Variants in SAV1 observed in about 807,000 individuals in gnomAD.
The protein encoded by SAV1 is salvador family WW domain containing protein 1.
In SAV1, 23 loss-of-function variants were observed where a neutral mutation model predicts 47.3. The observed-to-expected ratio is 0.49, with a 90% CI of 0.35 to 0.69. The LOEUF is 0.69. Ranked by LOEUF, SAV1 falls within the 30% of genes least tolerant of loss-of-function variation. SAV1 has a pLI of 0.01. For missense variants in SAV1, 448 were observed against 457.4 expected, an observed-to-expected ratio of 0.98 and a Z score of 0.19; for synonymous variants, 155 against 159.2, an observed-to-expected ratio of 0.97 and a Z score of 0.20.
chr14:50,665,704 C>A, intron 1 of SAV1, 85 bp from the exon 2 acceptor site: 1 of 1,172,876 alleles, frequency 8.5e-7, no homozygotes, highest in Non-Finnish European at 1.2e-6. Context: ...TCTACCACCC[C>A]AAAATCAAAA....
At chr14:50,663,824 C>A (rs1181301284) in intron 2 of SAV1, among the ~76,000 whole-genome samples, 1 of 152,188 alleles carries the variant, frequency 6.6e-6, no homozygotes, top group Admixed American at 6.5e-5. Flanking sequence ...TGTGCAAGAG[C>A]TTCCACTTGA....
In SAV1 at chr14:50,644,950, G is replaced by A. The variant is rs2039709279; in HGVS notation, c.600C>T (p.Pro200=). The A allele has an allele frequency of 6.2e-7, 1 of 1,613,712 alleles. No individual in the cohort carries two copies. Among genetic ancestry groups the A allele is most frequent in the South Asian group, 1.1e-5 (1 of 91,058 alleles). ...AGTCCACAGACCAGCCAGGAGGAAGGGGTAAATCTTCAGAACCATGGTTAG... is the reference window on the plus strand; with the variant it reads ...AGTCCACAGACCAGCCAGGAGGAAGAGGTAAATCTTCAGAACCATGGTTAG... ...NLTNHGSEDL[P]LPPGWSVDWT... is the part of the protein sequence containing the mutation. The change falls in exon 3 of 5, where the codon CCC becomes CCT. Residue 200 remains proline (P), a synonymous_variant. Coordinates refer to ENST00000324679, the MANE Select transcript of SAV1 (RefSeq NM_021818.4).
At chr14:50,646,129 G>T (rs986587930) in intron 2 of SAV1, among the ~76,000 whole-genome samples, 1 of 152,158 alleles carries the variant, frequency 6.6e-6, no homozygotes, top group Non-Finnish European at 1.5e-5. Flanking sequence ...TGAAACTGCA[G>T]ATAGTACCTA....
chr14:50,635,912 T>C (rs1031682686), intron 4 of SAV1, among the ~76,000 whole-genome samples: 2 of 152,278 alleles, frequency 1.3e-5, no homozygotes, highest in African/African-American at 4.8e-5. Flanking sequence ...TTTCACCATG[T>C]TGGCCAGGAG....
At chr14:50,641,473 G>A (rs28648926) in intron 3 of SAV1, among the ~76,000 whole-genome samples, 2,191 of 152,126 alleles carry the variant, frequency 0.014, 44 homozygotes, top group African/African-American at 0.05. Flanking sequence ...AAAGTGTAAG[G>A]AAAGCACTGA....
intron 2 of SAV1, among the ~76,000 whole-genome samples, chr14:50,652,813 C>T (rs2039779884): frequency 6.6e-6 from 1 of 152,156 alleles, no homozygotes; most frequent in Non-Finnish European, 1.5e-5. Context: ...GGTGCATCAC[C>T]TGAGGTCAAG....
Position 50,644,968 on chromosome 14 carries a change from A to C in SAV1, c.582T>G (p.His194Gln), listed in dbSNP as rs576270044. 18 of 1,613,462 alleles carry C rather than the reference A, an allele frequency of 1.1e-5. No homozygotes were observed. In the East Asian group the frequency reaches 3.3e-4, roughly 30 times the overall value. The change falls in exon 3 of 5, where the codon CAT (histidine) becomes CAG (glutamine). Residue 194 changes from histidine (H) to glutamine (Q), a missense_variant. Physicochemically the swap from His to Gln is conservative, Grantham distance 24 (BLOSUM62 0). Transcript: ENST00000324679. Reference sequence around the variant, plus strand: ...GAGGAAGGGGTAAATCTTCAGAACCATGGTTAGTCAAATTTCCTAAAGATG... The same window carrying C: ...GAGGAAGGGGTAAATCTTCAGAACCCTGGTTAGTCAAATTTCCTAAAGATG... ...AATSLGNLTN[H>Q]GSEDLPLPPG...
chr14:50,642,184 A>C (rs1169087391), intron 3 of SAV1, among the ~76,000 whole-genome samples: 2 of 152,128 alleles, frequency 1.3e-5, no homozygotes, highest in Non-Finnish European at 2.9e-5. Flanking sequence ...GGGAACAATA[A>C]ACATTGAGGC....
At chr14:50,666,840 C>T (rs954380309) in intron 1 of SAV1, among the ~76,000 whole-genome samples, 1 of 150,802 alleles carries the variant, frequency 6.6e-6, no homozygotes, top group Non-Finnish European at 1.5e-5. Flanking sequence ...ACTCAACTGA[C>T]ATATATTTTG....
In SAV1 at chr14:50,635,041, A is replaced by G; in HGVS notation, c.*142T>C. The G allele has an allele frequency of 1.5e-6, 1 of 659,238 alleles. No individual in the cohort carries two copies. Among genetic ancestry groups the G allele is most frequent in the Non-Finnish European group, 2.5e-6 (1 of 394,812 alleles). 40.8% of individuals were successfully genotyped at this position (659,238 alleles called of 1,614,324 possible). A position where few individuals can be genotyped will look rare whatever the true frequency, so the allele number is the denominator to read the frequency against. On this transcript the variant is annotated 3_prime_UTR_variant, in exon 5 of 5. Transcript: ENST00000324679. The stretch of plus-strand genomic sequence containing the variant: ...TCTCATTCAATAAAAGAAAATTTCT[A>G]ATAACAAAATACATGTAAAGTTAGA...
intron 2 of SAV1, among the ~76,000 whole-genome samples, chr14:50,651,850 C>A (rs772126995): frequency 6.6e-6 from 1 of 152,086 alleles, no homozygotes; most frequent in Non-Finnish European, 1.5e-5. Flanking sequence ...AGGCTGGTCT[C>A]AAAACCCTTA....
chr14:50,640,933 T>C (rs747437241), intron 3 of SAV1, 40 bp from the exon 4 acceptor site: 1 of 1,533,218 alleles, frequency 6.5e-7, no homozygotes, highest in Non-Finnish European at 8.8e-7. Context: ...ATAAAGGTCT[T>C]AAAATCTAAA....
chr14:50,636,657 T>C (rs1018688537), intron 4 of SAV1, among the ~76,000 whole-genome samples: 8 of 152,184 alleles, frequency 5.3e-5, no homozygotes, highest in African/African-American at 1.9e-4. Flanking sequence ...GTAATTAATA[T>C]TCTCATTTTA....
intron 3 of SAV1, 140 bp downstream of exon 3, chr14:50,644,604 G>C (rs2039705207): frequency 2.6e-6 from 2 of 756,956 alleles, no homozygotes; most frequent in Non-Finnish European, 2.0e-6. Context: ...TGTATGTCCA[G>C]AGAAAAATGT....
intron 1 of SAV1, among the ~76,000 whole-genome samples, chr14:50,666,942 C>G (rs1419342235): frequency 2.6e-5 from 4 of 152,120 alleles, no homozygotes; most frequent in East Asian, 1.9e-4. Context: ...TGATCTTGGG[C>G]AAATACTAGA....
intron 2 of SAV1, among the ~76,000 whole-genome samples, chr14:50,652,599 C>A (rs1469366320): frequency 6.6e-6 from 1 of 152,184 alleles, no homozygotes; most frequent in East Asian, 1.9e-4. Context: ...ATTTAAACAT[C>A]AAAAGGAATT....
chr14:50,652,217 T>C (rs758213800), intron 2 of SAV1, among the ~76,000 whole-genome samples: 2 of 152,136 alleles, frequency 1.3e-5, no homozygotes, highest in Non-Finnish European at 2.9e-5. Flanking sequence ...ATGGTAAATG[T>C]TGTTATGTGT....
intron 4 of SAV1, among the ~76,000 whole-genome samples, chr14:50,639,059 AC>A (rs1595634312): frequency 2.0e-5 from 3 of 152,156 alleles, no homozygotes; most frequent in Non-Finnish European, 4.4e-5. Context: ...GAGCCGCCGC[AC>A]CCGGCCTAAC....
chr14:50,642,546 C>T (rs73291783), intron 3 of SAV1, among the ~76,000 whole-genome samples: 1,715 of 151,668 alleles, frequency 0.011, 30 homozygotes, highest in African/African-American at 0.039. Context: ...GCTTATTACC[C>T]GGGTGATAAT....
Sources: gnomAD v4.1 joint callset for allele counts (sites outside exome capture counted in the v4.1 genomes callset) on GRCh38, gnomAD v4.1.1 for gene constraint, MANE v1.5 for transcripts, NCBI Gene and HGNC (gene_info 2026-07-23, HGNC 2026-07-21) for gene names.